DRC10: variants seen among roughly 807,000 people sequenced by gnomAD.
DRC10 encodes the protein dynein regulatory complex subunit 10.
the DRC10 span, among the ~76,000 whole-genome samples, chr12:113,196,768 C>T: frequency 2.1e-4 from 32 of 152,358 alleles, no homozygotes; most frequent in African/African-American, 7.7e-4. Context: ...AATGTTATCC[C>T]AGTGCTGGGT....
chr12:113,218,865 T>G, the DRC10 span, among the ~76,000 whole-genome samples: 1 of 152,220 alleles, frequency 6.6e-6, no homozygotes, highest in East Asian at 1.9e-4. Flanking sequence ...TCATGAGTTA[T>G]TTATTTATTC....
the DRC10 span, among the ~76,000 whole-genome samples, chr12:113,211,506 G>T: frequency 1.3e-5 from 2 of 152,116 alleles, no homozygotes; most frequent in East Asian, 3.8e-4. Context: ...GTTCACGCCC[G>T]TAATCCCAAC....
At chr12:113,219,631 T>C in the DRC10 span, among the ~76,000 whole-genome samples, 1 of 152,186 alleles carries the variant, frequency 6.6e-6, no homozygotes, top group African/African-American at 2.4e-5. Flanking sequence ...GCTGATCTTT[T>C]CATTTTCTTA....
the DRC10 span, among the ~76,000 whole-genome samples, chr12:113,205,161 T>C: frequency 6.6e-6 from 1 of 152,036 alleles, no homozygotes; most frequent in Non-Finnish European, 1.5e-5. Flanking sequence ...TGGAACCACA[T>C]GGGCTTATTT....
the DRC10 span, among the ~76,000 whole-genome samples, chr12:113,217,614 C>T: frequency 5.9e-5 from 9 of 152,324 alleles, no homozygotes; most frequent in South Asian, 4.1e-4. Flanking sequence ...TCACTGCAAC[C>T]TCCACCCCCC....
chr12:113,208,055 C>A, the DRC10 span: 2 of 1,614,208 alleles, frequency 1.2e-6, no homozygotes, highest in Non-Finnish European at 1.7e-6. Flanking sequence ...CTAGAGAGAA[C>A]CAAGGGTTTT....
At chr12:113,213,326 G>T in the DRC10 span, among the ~76,000 whole-genome samples, 2 of 152,050 alleles carry the variant, frequency 1.3e-5, no homozygotes, top group Non-Finnish European at 2.9e-5. Context: ...TGGGGGTTTG[G>T]TGTACAGATT....
At chr12:113,206,983 C>T in the DRC10 span, among the ~76,000 whole-genome samples, 1 of 152,188 alleles carries the variant, frequency 6.6e-6, no homozygotes, top group East Asian at 1.9e-4. Flanking sequence ...TTGCTTAAGC[C>T]TGAGAGATGG....
chr12:113,199,970 C>T, the DRC10 span: 3 of 215,406 alleles, frequency 1.4e-5, no homozygotes, highest in African/African-American at 7.1e-5. Flanking sequence ...ACTGCAGCCT[C>T]CGCCTCCTGG....
At chr12:113,207,892 C>T in the DRC10 span, 1 of 1,614,210 alleles carries the variant, frequency 6.2e-7, no homozygotes, top group Non-Finnish European at 8.5e-7. Context: ...CTCATGCTCT[C>T]TCACTGCCCT....
At chr12:113,218,455 T>G in the DRC10 span, among the ~76,000 whole-genome samples, 1 of 149,006 alleles carries the variant, frequency 6.7e-6, no homozygotes, top group Non-Finnish European at 1.5e-5. Context: ...GCCTTTTTTT[T>G]TTAATAGACA....
the DRC10 span, among the ~76,000 whole-genome samples, chr12:113,205,454 A>T: frequency 6.6e-6 from 1 of 151,888 alleles, no homozygotes; most frequent in Non-Finnish European, 1.5e-5. Context: ...AATTGCTTGA[A>T]CCCAGGATGT....
the DRC10 span, chr12:113,200,676 G>A: frequency 2.6e-6 from 4 of 1,536,178 alleles, no homozygotes; most frequent in Non-Finnish European, 3.5e-6. Flanking sequence ...TGGCCACCCT[G>A]GCCTGTGATG....
the DRC10 span, among the ~76,000 whole-genome samples, chr12:113,198,156 G>A: frequency 3.5e-4 from 54 of 152,304 alleles, no homozygotes; most frequent in South Asian, 1.2e-3. Context: ...GGCAGAGTTT[G>A]CAGTGAGCTG....
chr12:113,207,319 G>T, the DRC10 span: 1 of 867,416 alleles, frequency 1.2e-6, no homozygotes. Context: ...CTGCACTCTA[G>T]TCTGGACAAC....
chr12:113,197,217 A>C, the DRC10 span, among the ~76,000 whole-genome samples: 1 of 142,344 alleles, frequency 7.0e-6, no homozygotes, highest in African/African-American at 2.6e-5. Context: ...TTTTTAAATT[A>C]ATAGAGATGG....
the DRC10 span, chr12:113,197,709 C>T: frequency 2.0e-5 from 15 of 757,450 alleles, no homozygotes; most frequent in African/African-American, 3.4e-5. Context: ...AGGTGCTTGA[C>T]ATGCCTCGCC....
chr12:113,211,596 T>G, the DRC10 span, among the ~76,000 whole-genome samples: 1 of 151,190 alleles, frequency 6.6e-6, no homozygotes, highest in African/African-American at 2.4e-5. Context: ...GCCACTGCAT[T>G]CCAGCCTGAG....
the DRC10 span, among the ~76,000 whole-genome samples, chr12:113,206,696 A>G: frequency 6.6e-6 from 1 of 151,784 alleles, no homozygotes; most frequent in South Asian, 2.1e-4. Context: ...CGGAGGTTGC[A>G]GTGAATCAAG....
Sources: allele counts gnomAD v4.1 joint callset (sites outside exome capture counted in the v4.1 genomes callset), GRCh38; gene constraint gnomAD v4.1.1; transcripts MANE v1.5; gene names NCBI Gene and HGNC (gene_info 2026-07-23, HGNC 2026-07-21).